Variants in GUCY1B1 observed in about 807,000 individuals in gnomAD.
GUCY1B1 encodes guanylate cyclase 1 soluble subunit beta 1, also known as guanylate cyclase soluble subunit beta-1.
GUCY1B1 carries 43 observed loss-of-function variants against 71.0 expected under a neutral mutation model. The observed-to-expected ratio is 0.61, with a 90% confidence interval of 0.47 to 0.78. The LOEUF (loss-of-function observed/expected upper bound fraction) is 0.78, where lower values mean the gene tolerates loss of function less well. Among genes scored for constraint, GUCY1B1 ranks in the 30% least tolerant of loss-of-function variants. The pLI, the probability that GUCY1B1 is intolerant of heterozygous loss-of-function variation, is 0.00. For missense variants in GUCY1B1, 535 were observed against 754.1 expected, an observed-to-expected ratio of 0.71 and a Z score of 3.40; for synonymous variants, 266 against 259.7, an observed-to-expected ratio of 1.02 and a Z score of -0.23.
At chr4:155,801,035 C>T (rs1470201297) in intron 9 of GUCY1B1, among the ~76,000 whole-genome samples, 1 of 152,066 alleles carries the variant, frequency 6.6e-6, no homozygotes, top group African/African-American at 2.4e-5. Context: ...AATAACATAG[C>T]CTTTAAATTA....
intron 2 of GUCY1B1, among the ~76,000 whole-genome samples, chr4:155,765,152 G>A (rs554158871): frequency 6.6e-6 from 1 of 152,264 alleles, no homozygotes; most frequent in African/African-American, 2.4e-5. Context: ...CCCAGATCTA[G>A]TTTTGGCAAA....
intron 2 of GUCY1B1, among the ~76,000 whole-genome samples, chr4:155,767,013 C>T (rs1177052340): frequency 1.3e-5 from 2 of 152,156 alleles, no homozygotes; most frequent in African/African-American, 2.4e-5. Context: ...TCATTATCCT[C>T]ATTTTGCAAA....
rs1479897035 is a variant in GUCY1B1, at chr4:155,804,580, T to C, written c.1555-13T>C. On this transcript the variant is annotated splice_polypyrimidine_tract_variant and intron_variant, in intron 11 of 13. Coordinates refer to ENST00000264424, the MANE Select transcript of GUCY1B1 (RefSeq NM_000857.5). ...TGATCAAAATGATTGAAGCAAAGCT[T>C]TCTTTTTTGCAGATAACAATAGGGA... 5 of 1,593,960 alleles carry C rather than the reference T, an allele frequency of 3.1e-6. No homozygotes were observed. Among genetic ancestry groups the C allele is most frequent in the Non-Finnish European group, 4.3e-6 (5 of 1,170,870 alleles).
chr4:155,791,792 A>G (rs76447819), intron 5 of GUCY1B1, among the ~76,000 whole-genome samples: 4,922 of 151,326 alleles, frequency 0.033, 281 homozygotes, highest in African/African-American at 0.11. Context: ...AAAAAAACAC[A>G]GCATCTATAC....
At chr4:155,796,003 T>C (rs144642813) in intron 7 of GUCY1B1, among the ~76,000 whole-genome samples, 184 of 152,320 alleles carry the variant, frequency 1.2e-3, no homozygotes, top group African/African-American at 4.0e-3. Context: ...ACTGACTGTT[T>C]GCAGCTGCTC....
intron 2 of GUCY1B1, among the ~76,000 whole-genome samples, chr4:155,764,775 A>G (rs561982215): frequency 6.6e-6 from 1 of 152,288 alleles, no homozygotes; most frequent in Non-Finnish European, 1.5e-5. Flanking sequence ...TTGCAGCTGG[A>G]ACTGGATGCC....
At chr4:155,794,512 A>G (rs540754208) in intron 6 of GUCY1B1, among the ~76,000 whole-genome samples, 2 of 152,298 alleles carry the variant, frequency 1.3e-5, no homozygotes, top group African/African-American at 2.4e-5. Flanking sequence ...ACACAAAATG[A>G]TAGAGATGAT....
intron 4 of GUCY1B1, among the ~76,000 whole-genome samples, chr4:155,780,729 G>A (rs1176448090): frequency 1.6e-5 from 2 of 126,992 alleles, no homozygotes; most frequent in East Asian, 2.1e-4. Flanking sequence ...CCCATTTCGA[G>A]TGAGATCCTG....
At chr4:155,803,588 T>C (rs1430320585) in intron 10 of GUCY1B1, 36 bp from the exon 11 acceptor site, 1 of 1,380,150 alleles carries the variant, frequency 7.2e-7, no homozygotes, top group Non-Finnish European at 9.5e-7. Flanking sequence ...GTCTTTTTTA[T>C]GCTAACCGTG....
At chr4:155,779,021 A>T (rs2111052814) in intron 4 of GUCY1B1, among the ~76,000 whole-genome samples, 2 of 148,700 alleles carry the variant, frequency 1.3e-5, no homozygotes, top group South Asian at 4.2e-4. Flanking sequence ...TAAGCTTGTT[A>T]TGGCACAGTA....
chr4:155,765,119 T>C (rs760738502), intron 2 of GUCY1B1, among the ~76,000 whole-genome samples: 25 of 152,116 alleles, frequency 1.6e-4, no homozygotes, highest in Admixed American at 1.2e-3. Flanking sequence ...AATCAGAAAA[T>C]CTGTATTCTC....
intron 1 of GUCY1B1, chr4:155,759,505 T>G (rs1034930210): frequency 8.1e-6 from 4 of 495,018 alleles, no homozygotes; most frequent in Non-Finnish European, 1.4e-5. Context: ...GTCCCCGCGC[T>G]GCCCCCGATG....
intron 5 of GUCY1B1, among the ~76,000 whole-genome samples, chr4:155,790,663 AC>A (rs1180275121): frequency 2.0e-5 from 3 of 152,086 alleles, no homozygotes; most frequent in South Asian, 2.1e-4. Context: ...CCTTTTTCCA[AC>A]CTTTCTTTGT....
intron 4 of GUCY1B1, among the ~76,000 whole-genome samples, chr4:155,778,957 G>A (rs1018607110): frequency 4.6e-5 from 7 of 150,558 alleles, no homozygotes; most frequent in Non-Finnish European, 1.0e-4. Context: ...GATTCAAGTG[G>A]TTTTATTAAT....
rs1739481457 is a variant in GUCY1B1 at position 155,795,462 on chromosome 4, T to C, written c.843+5T>C. The stretch of plus-strand genomic sequence containing the variant: ...GTTTTTGTATTGAGAAGCAAGGTAA[T>C]CAAGATATTATTTCATTAAATGTGA... On this transcript the variant is annotated splice_donor_5th_base_variant and intron_variant, in intron 7 of 13. Transcript: ENST00000264424. 1.9e-5 allele frequency: 24 copies of C among 1,273,216 alleles called. No homozygotes were observed. In the East Asian group the frequency reaches 5.3e-4, roughly 28 times the overall value. The allele number at this position is 1,273,216 out of a possible 1,614,324, so 78.9% of individuals were successfully genotyped here. A position where few individuals can be genotyped will look rare whatever the true frequency, so the allele number is the denominator to read the frequency against.
chr4:155,791,379 T>C (rs1485547167), intron 5 of GUCY1B1, among the ~76,000 whole-genome samples: 3 of 148,256 alleles, frequency 2.0e-5, no homozygotes, highest in African/African-American at 7.4e-5. Flanking sequence ...CCTTCCAAAG[T>C]GCTGGGATTA....
chr4:155,783,853 C>A (rs771251258), intron 4 of GUCY1B1, among the ~76,000 whole-genome samples: 2 of 152,110 alleles, frequency 1.3e-5, no homozygotes, highest in Non-Finnish European at 2.9e-5. Flanking sequence ...TAAAAAAGAG[C>A]TGTTTTCTCA....
At chr4:155,792,560 T>C (rs1739252802) in intron 5 of GUCY1B1, among the ~76,000 whole-genome samples, 2 of 151,446 alleles carry the variant, frequency 1.3e-5, no homozygotes, top group Admixed American at 1.3e-4. Flanking sequence ...AAAATATATC[T>C]AAAAGAATAT....
At chr4:155,763,907 C>T (rs545481733) in intron 2 of GUCY1B1, among the ~76,000 whole-genome samples, 4 of 152,072 alleles carry the variant, frequency 2.6e-5, no homozygotes, top group African/African-American at 9.6e-5. Flanking sequence ...TTTTATTTTA[C>T]TCTAGAATCA....
Sources: allele counts gnomAD v4.1 joint callset (sites outside exome capture counted in the v4.1 genomes callset), GRCh38; gene constraint gnomAD v4.1.1; transcripts MANE v1.5; gene names NCBI Gene and HGNC (gene_info 2026-07-23, HGNC 2026-07-21).